The following KCNQ5 variants were observed in gnomAD, a reference collection of about 807,000 sequenced individuals.
KCNQ5 encodes the protein potassium voltage-gated channel subfamily KQT member 5.
Under a neutral mutation model 98.2 loss-of-function variants are expected in KCNQ5, and 30 were observed. The ratio of observed to expected loss-of-function variants is 0.31; its 90% CI spans 0.23 to 0.41. The LOEUF (loss-of-function observed/expected upper bound fraction) is 0.41. Among genes scored for constraint, KCNQ5 ranks in the 10% least tolerant of loss-of-function variants. KCNQ5 has a pLI of 1.00. For synonymous variants in KCNQ5, 458 were observed against 449.4 expected (o/e 1.02, Z -0.24); for missense variants, 835 against 1,182.5 (o/e 0.71, Z 4.31).
intron 10 of KCNQ5, among the ~76,000 whole-genome samples, chr6:73,151,606 A>G (rs1330122028): frequency 1.3e-5 from 2 of 152,174 alleles, no homozygotes; most frequent in East Asian, 3.9e-4. Context: ...ATCTTCAATA[A>G]TCTCTCAGTA....
intron 1 of KCNQ5, among the ~76,000 whole-genome samples, chr6:72,705,523 A>G (rs1360249189): frequency 1.3e-5 from 2 of 152,030 alleles, no homozygotes; most frequent in African/African-American, 2.4e-5. Context: ...TTTTGATGCA[A>G]CTATTCTTAA....
At chr6:73,072,885 T>C (rs1773358166) in intron 3 of KCNQ5, among the ~76,000 whole-genome samples, 1 of 152,190 alleles carries the variant, frequency 6.6e-6, no homozygotes, top group African/African-American at 2.4e-5. Flanking sequence ...TTAAGAGTTC[T>C]GGATTACATG....
intron 1 of KCNQ5, among the ~76,000 whole-genome samples, chr6:72,787,539 T>TAAA (rs11454848): frequency 6.8e-6 from 1 of 146,346 alleles, no homozygotes; most frequent in African/African-American, 2.5e-5. Flanking sequence ...TATCAGTATT[T>TAAA]AAAAAAAAAA....
intron 1 of KCNQ5, among the ~76,000 whole-genome samples, chr6:72,777,755 C>T (rs1488342496): frequency 1.3e-5 from 2 of 152,126 alleles, no homozygotes. Flanking sequence ...TGTCTTTACT[C>T]CTAGGCTACA....
At chr6:72,821,909 AATGAACCAGGATC>A (rs796761158) in intron 1 of KCNQ5, among the ~76,000 whole-genome samples, 4 of 151,964 alleles carry the variant, frequency 2.6e-5, no homozygotes, top group African/African-American at 9.7e-5. Context: ...CTTATTGCCT[AATGAACCAGGATC>A]AAGGAGTTCG....
intron 1 of KCNQ5, among the ~76,000 whole-genome samples, chr6:72,970,121 T>C (rs1368418129): frequency 6.6e-6 from 1 of 152,056 alleles, no homozygotes; most frequent in Admixed American, 6.6e-5. Flanking sequence ...TAGCAGGGCA[T>C]GGTGGTGTGC....
chr6:72,977,380 A>G (rs1768206071), intron 1 of KCNQ5, among the ~76,000 whole-genome samples: 1 of 152,192 alleles, frequency 6.6e-6, no homozygotes. Flanking sequence ...ATTGTGCAGG[A>G]AACAGAAACC....
chr6:73,159,108 C>T (rs6909792), intron 10 of KCNQ5, among the ~76,000 whole-genome samples: 14,231 of 151,410 alleles, frequency 0.094, 688 homozygotes, highest in African/African-American at 0.12. Context: ...AAGTGCCCAT[C>T]AGTGACAGAT....
intron 1 of KCNQ5, among the ~76,000 whole-genome samples, chr6:72,729,252 T>C (rs944161323): frequency 2.6e-5 from 4 of 152,208 alleles, no homozygotes; most frequent in Non-Finnish European, 5.9e-5. Context: ...AATATATTTG[T>C]AAGAAAAAAA....
chr6:72,870,986 A>C (rs1042951262), intron 1 of KCNQ5, among the ~76,000 whole-genome samples: 2 of 152,164 alleles, frequency 1.3e-5, no homozygotes, highest in Non-Finnish European at 2.9e-5. Flanking sequence ...AATCTTGAAA[A>C]GAATAGGTTT....
chr6:72,959,519 A>G (rs1428281913), intron 1 of KCNQ5, among the ~76,000 whole-genome samples: 1 of 152,226 alleles, frequency 6.6e-6, no homozygotes, highest in Non-Finnish European at 1.5e-5. Context: ...TAATGCTACC[A>G]GTTGTGGATA....
intron 1 of KCNQ5, among the ~76,000 whole-genome samples, chr6:72,801,673 C>A (rs6939984): frequency 6.9e-6 from 1 of 144,446 alleles, no homozygotes; most frequent in Non-Finnish European, 1.5e-5. Context: ...GTCATTATGA[C>A]GTTAGCTGGT....
At chr6:73,066,292 C>T (rs1374484420) in intron 3 of KCNQ5, among the ~76,000 whole-genome samples, 1 of 152,078 alleles carries the variant, frequency 6.6e-6, no homozygotes, top group Non-Finnish European at 1.5e-5. Context: ...AGAGCACCCG[C>T]CCCTCTGTGA....
chr6:73,042,726 A>G (rs1473963890), intron 3 of KCNQ5, among the ~76,000 whole-genome samples: 2 of 152,186 alleles, frequency 1.3e-5, no homozygotes, highest in African/African-American at 4.8e-5. Flanking sequence ...TCTGAGAGAC[A>G]TCATTCACCT....
chr6:73,030,395 G>C (rs1011314270), intron 2 of KCNQ5, among the ~76,000 whole-genome samples: 4 of 152,142 alleles, frequency 2.6e-5, no homozygotes, highest in African/African-American at 9.7e-5. Flanking sequence ...AGTTCTGAAA[G>C]CAAGTGAGCA....
chr6:72,735,308 A>C (rs1454838963), intron 1 of KCNQ5, among the ~76,000 whole-genome samples: 3 of 152,250 alleles, frequency 2.0e-5, no homozygotes, highest in Non-Finnish European at 4.4e-5. Flanking sequence ...ATTTTATTTC[A>C]GCAGAATCCA....
intron 3 of KCNQ5, among the ~76,000 whole-genome samples, chr6:73,075,713 T>A: frequency 6.6e-6 from 1 of 152,172 alleles, no homozygotes; most frequent in Non-Finnish European, 1.5e-5. Context: ...CTCTGGGTAC[T>A]TACCCACAAA....
chr6:72,708,562 C>A (rs1035570696), intron 1 of KCNQ5, among the ~76,000 whole-genome samples: 1 of 152,080 alleles, frequency 6.6e-6, no homozygotes. Context: ...ACTCTGTTGC[C>A]CAGGCTGGAG....
At chr6:72,746,747 G>A (rs1771426269) in intron 1 of KCNQ5, among the ~76,000 whole-genome samples, 1 of 152,142 alleles carries the variant, frequency 6.6e-6, no homozygotes, top group South Asian at 2.1e-4. Context: ...AAATTTCATT[G>A]AGGATAATAA....
Sources: gnomAD v4.1 joint callset for allele counts (sites outside exome capture counted in the v4.1 genomes callset) on GRCh38, gnomAD v4.1.1 for gene constraint, MANE v1.5 for transcripts, NCBI Gene and HGNC (gene_info 2026-07-23, HGNC 2026-07-21) for gene names.